The following XIRP2 variants were observed in gnomAD, a reference collection of about 807,000 sequenced individuals.
XIRP2 encodes xin actin-binding repeat-containing protein 2.
Under a neutral mutation model 277.0 loss-of-function variants are expected in XIRP2, and 236 were observed. The ratio of observed to expected loss-of-function variants is 0.85; its 90% CI spans 0.77 to 0.95. XIRP2 has a LOEUF of 0.95. Among genes scored for constraint, XIRP2 ranks in the 40% least tolerant of loss-of-function variants. The pLI is 0.00. For synonymous variants in XIRP2, 1,490 were observed against 1,416.5 expected, an observed-to-expected ratio of 1.05 and a Z score of -1.17; for missense variants, 4,640 against 4,157.5, an observed-to-expected ratio of 1.12 and a Z score of -3.19.
chr2:167,058,825 G>T (rs996173881), intron 2 of XIRP2, among the ~76,000 whole-genome samples: 3 of 152,178 alleles, frequency 2.0e-5, no homozygotes, highest in African/African-American at 7.2e-5. Flanking sequence ...ATATCAACAG[G>T]TGTGACTTGT....
At chr2:166,998,278 T>TA (rs1367423993) in intron 2 of XIRP2, among the ~76,000 whole-genome samples, 4 of 151,718 alleles carry the variant, frequency 2.6e-5, no homozygotes, top group African/African-American at 9.7e-5. Flanking sequence ...AAAATTAAAC[T>TA]AAAAAAAATT....
chr2:167,218,168 G>A lies in XIRP2; in HGVS notation c.726G>A (p.Met242Ile). 6.3e-7 allele frequency: 1 copy of A among 1,586,746 alleles called. No individual in the cohort carries two copies. Among genetic ancestry groups the A allele is most frequent in the South Asian group, 1.2e-5 (1 of 86,050 alleles). ...TCCTTTTTCTTAAATCATCCTAGATGATGGAAGAATCAGAAATGTGCGCAG... is the reference window on the plus strand; with the variant it reads ...TCCTTTTTCTTAAATCATCCTAGATAATGGAAGAATCAGAAATGTGCGCAG... ...RGDCRSFSAN[M>I]MEESEMCAVP... The change falls in exon 5 of 11, where the codon ATG becomes ATA. Residue 242 changes from methionine (M) to isoleucine (I), a missense_variant and splice_region_variant. Physicochemically the swap from Met to Ile is conservative, Grantham distance 10. Transcript: ENST00000409195.
intron 3 of XIRP2, among the ~76,000 whole-genome samples, chr2:167,165,904 G>A (rs768106501): frequency 4.6e-5 from 7 of 152,052 alleles, no homozygotes; most frequent in East Asian, 3.9e-4. Context: ...CTAAAAAGTC[G>A]TCACCAAACC....
At chr2:167,114,906 C>CGT (rs971293249) in intron 2 of XIRP2, among the ~76,000 whole-genome samples, 54 of 152,086 alleles carry the variant, frequency 3.6e-4, no homozygotes, top group Admixed American at 2.1e-3. Flanking sequence ...AATAAACATA[C>CGT]GTGTGTGTGT....
At chr2:167,142,719 A>C (rs190150338) in intron 3 of XIRP2, among the ~76,000 whole-genome samples, 17 of 152,342 alleles carry the variant, frequency 1.1e-4, no homozygotes, top group Middle Eastern at 3.4e-3. Context: ...GGCATGGCTC[A>C]TGTGACTGTC....
At chr2:167,075,536 G>C (rs142750679) in intron 2 of XIRP2, among the ~76,000 whole-genome samples, 1 of 152,242 alleles carries the variant, frequency 6.6e-6, no homozygotes, top group Non-Finnish European at 1.5e-5. Flanking sequence ...TAAAGGTTTT[G>C]CGTCTTTGTC....
chr2:167,168,758 G>A (rs191871943), intron 3 of XIRP2, among the ~76,000 whole-genome samples: 1 of 152,200 alleles, frequency 6.6e-6, no homozygotes, highest in African/African-American at 2.4e-5. Flanking sequence ...GGGACTATAG[G>A]TGCCCACCAC....
At chr2:167,106,509 A>G (rs775587614) in intron 2 of XIRP2, among the ~76,000 whole-genome samples, 21 of 151,722 alleles carry the variant, frequency 1.4e-4, no homozygotes, top group Admixed American at 2.6e-4. Flanking sequence ...CGGGTTCTAT[A>G]TACATATACT....
rs1406559193 is a variant in XIRP2 at position 167,259,152 on chromosome 2, C to T, written c.*1335C>T. The T allele has an allele frequency of 1.9e-6, 3 of 1,612,642 alleles. No homozygotes were observed. Reference sequence around the variant, plus strand: ...TCTGTAGATCAAATTAAAAATATGCCATGCTTGGATTTAAGGGAATTTGGA... The same window carrying T: ...TCTGTAGATCAAATTAAAAATATGCTATGCTTGGATTTAAGGGAATTTGGA... On this transcript the variant is annotated 3_prime_UTR_variant, in exon 11 of 11. Coordinates refer to ENST00000409195, the MANE Select transcript of XIRP2 (RefSeq NM_152381.6).
intron 2 of XIRP2, among the ~76,000 whole-genome samples, chr2:166,934,895 G>A (rs1464184228): frequency 6.6e-6 from 1 of 152,012 alleles, no homozygotes; most frequent in Non-Finnish European, 1.5e-5. Context: ...ACTAGTTGTG[G>A]TGGCACACAC....
chr2:166,999,637 C>T (rs1277004126), intron 2 of XIRP2, among the ~76,000 whole-genome samples: 2 of 152,098 alleles, frequency 1.3e-5, no homozygotes, highest in Non-Finnish European at 2.9e-5. Context: ...TACACCATGT[C>T]TTAGAATGTC....
intron 3 of XIRP2, among the ~76,000 whole-genome samples, chr2:167,144,596 T>C (rs752665250): frequency 6.6e-5 from 10 of 152,154 alleles, no homozygotes; most frequent in Admixed American, 2.0e-4. Flanking sequence ...TGACTTATTA[T>C]GAGATATGTA....
intron 5 of XIRP2, among the ~76,000 whole-genome samples, chr2:167,226,326 C>T (rs924146959): frequency 2.6e-5 from 4 of 152,098 alleles, no homozygotes; most frequent in Non-Finnish European, 4.4e-5. Flanking sequence ...TGGTTTTCTC[C>T]TACTACTCAA....
At chr2:167,163,455 ATC>A (rs1213892664) in intron 3 of XIRP2, among the ~76,000 whole-genome samples, 1 of 152,126 alleles carries the variant, frequency 6.6e-6, no homozygotes, top group Non-Finnish European at 1.5e-5. Context: ...GGGCATATTT[ATC>A]TCTCTTAAGA....
chr2:167,009,140 G>C (rs1406362665), intron 2 of XIRP2, among the ~76,000 whole-genome samples: 1 of 151,658 alleles, frequency 6.6e-6, no homozygotes, highest in East Asian at 1.9e-4. Flanking sequence ...GTATACATGT[G>C]CCCTGCTGGT....
chr2:167,089,975 C>A (rs570335206), intron 2 of XIRP2, among the ~76,000 whole-genome samples: 1 of 152,140 alleles, frequency 6.6e-6, no homozygotes, highest in Non-Finnish European at 1.5e-5. Flanking sequence ...AAAACTAGTA[C>A]TGTTTAGGAT....
rs185483418 is a variant in XIRP2, at chr2:167,134,929, C to T, written c.409-980C>T. 1.5e-3 allele frequency among the ~76,000 whole-genome samples: 224 copies of T among 152,152 alleles called. 3 individuals are homozygous for T. The South Asian group carries it at 0.017, about 12-fold the overall frequency. On this transcript the variant is annotated intron_variant, in intron 2 of 10. Coordinates refer to ENST00000409195, the MANE Select transcript of XIRP2 (RefSeq NM_152381.6). ...CGTCCTGGGCAGATGGAGTGATCCT[C>T]AGATCAGCATGCAATTTAAAATTTA...
rs143657667 is a variant in XIRP2, at chr2:167,039,028, T to C, written c.409-96881T>C. ...TTTTTTTCAGCATAAGAATGTTAATTCTTTGAACCAATTCTATTTACTGCT... is the reference window on the plus strand; with the variant it reads ...TTTTTTTCAGCATAAGAATGTTAATCCTTTGAACCAATTCTATTTACTGCT... On this transcript the variant is annotated intron_variant, in intron 2 of 10. Coordinates refer to ENST00000409195, the MANE Select transcript of XIRP2 (RefSeq NM_152381.6). Among the ~76,000 whole-genome samples, 6 of 152,274 alleles carry C rather than the reference T, an allele frequency of 3.9e-5. No homozygotes were observed. The East Asian group carries it at 1.2e-3, about 29-fold the overall frequency.
At chr2:166,942,496 G>A (rs187180930) in intron 2 of XIRP2, among the ~76,000 whole-genome samples, 1 of 152,302 alleles carries the variant, frequency 6.6e-6, no homozygotes, top group African/African-American at 2.4e-5. Context: ...AAGCACACAA[G>A]TGTTAGTGGC....
Sources: allele counts gnomAD v4.1 joint callset (sites outside exome capture counted in the v4.1 genomes callset), GRCh38; gene constraint gnomAD v4.1.1; transcripts MANE v1.5; gene names NCBI Gene and HGNC (gene_info 2026-07-23, HGNC 2026-07-21).